FANCA: variants seen among roughly 807,000 people sequenced by gnomAD.
The protein encoded by FANCA is Fanconi anemia group A protein.
FANCA carries 236 observed loss-of-function variants against 194.3 expected under a neutral mutation model. That is an observed-to-expected ratio of 1.21 (90% CI 1.09 to 1.35). The LOEUF (loss-of-function observed/expected upper bound fraction) is 1.35. Ranked by LOEUF, FANCA falls within the 40% of genes most tolerant of loss-of-function variation. The probability of loss-of-function intolerance (pLI) is 0.00; values close to 1 mark genes in which losing one functional copy is unlikely to be tolerated. For synonymous variants in FANCA, 1,014 were observed against 715.8 expected (o/e 1.42, Z -6.65); for missense variants, 2,628 against 1,813.9 (o/e 1.45, Z -8.15).
chr16:89,759,318 T>TATAAAAAAAA (rs2038866186), intron 29 of FANCA, among the ~76,000 whole-genome samples: 1 of 75,180 alleles, frequency 1.3e-5, no homozygotes, highest in African/African-American at 5.1e-5. Flanking sequence ...AGACTCCGTC[T>TATAAAAAAAA]AAAAAAAAAA....
intron 14 of FANCA, chr16:89,790,942 G>C: frequency 4.8e-6 from 1 of 206,704 alleles, no homozygotes; most frequent in Non-Finnish European, 9.9e-6. Context: ...TAATCCTTGC[G>C]TCTCAGCCTC....
intron 7 of FANCA, among the ~76,000 whole-genome samples, chr16:89,805,032 G>GC (rs1261767453): frequency 6.6e-6 from 1 of 152,096 alleles, no homozygotes; most frequent in Admixed American, 6.6e-5. Context: ...GGAAGCAGCT[G>GC]CGGTCACTCT....
chr16:89,763,664 C>A (rs149859047), intron 28 of FANCA, among the ~76,000 whole-genome samples: 2,621 of 152,196 alleles, frequency 0.017, 93 homozygotes, highest in African/African-American at 0.06. Flanking sequence ...AGGGGCCGAG[C>A]GCAGTGGCTC....
chr16:89,789,312 G>GGC (rs1299525618), intron 14 of FANCA, among the ~76,000 whole-genome samples: 2 of 151,678 alleles, frequency 1.3e-5, no homozygotes, highest in Admixed American at 6.6e-5. Flanking sequence ...GGCCTGGGGG[G>GGC]GGAGCAGGCA....
At chr16:89,742,284 C>G (rs1420674482) in intron 37 of FANCA, among the ~76,000 whole-genome samples, 1 of 151,852 alleles carries the variant, frequency 6.6e-6, no homozygotes, top group Non-Finnish European at 1.5e-5. Flanking sequence ...GACTACAGAC[C>G]CCCATCTCAG....
chr16:89,791,720 G>T, intron 13 of FANCA, 184 bp from the exon 14 acceptor site: 1 of 974,830 alleles, frequency 1.0e-6, no homozygotes, highest in Non-Finnish European at 1.6e-6. Context: ...GAATGAAGCA[G>T]CAGTGGACAC....
chr16:89,771,695 CCA>C lies in FANCA; in HGVS notation c.2132_2133del (p.Leu711ArgfsTer82). 6.2e-7 allele frequency: 1 copy of C among 1,614,160 alleles called. No individual in the cohort carries two copies. Among genetic ancestry groups the C allele is most frequent in the Non-Finnish European group, 8.5e-7 (1 of 1,180,026 alleles). ...ACACCTACCATGTGTTCCCGTGGCT[CCA>C]GTCTCGGCGTGTTGATGCTGAGCTG... The part of the protein sequence containing the change: ...KIQLSINTPR[L>X]EPREHMAVDL... On this transcript the variant is annotated frameshift_variant, in exon 23 of 43. Coordinates refer to ENST00000389301, the MANE Select transcript of FANCA (RefSeq NM_000135.4). LOFTEE classifies it high-confidence loss of function.
chr16:89,764,927 C>G lies in FANCA; in HGVS notation c.2741G>C (p.Arg914Thr), dbSNP rs748454613. 40 of 1,614,070 alleles carry G rather than the reference C, an allele frequency of 2.5e-5. No homozygotes were observed. The highest frequency in any genetic ancestry group is 8.8e-5 in the South Asian group (8 of 91,062). Reference protein sequence around the residue: ...QRAALSLWTHRTFREVLKEED... With the variant: ...QRAALSLWTHTTFREVLKEED... ...CTCTTTCAACACCTCTCGGAAGGTT[C>G]TGTGTGTCCAGAGAGAGAGGGCAGC... Residue 914 changes from arginine (R) to threonine (T), a missense_variant, in exon 28 of 43, where the codon AGA becomes ACA. Transcript: ENST00000389301.
At chr16:89,740,590 C>G in intron 38 of FANCA, 1 of 577,040 alleles carries the variant, frequency 1.7e-6, no homozygotes, top group East Asian at 3.0e-5. Context: ...GAGCTGAGAT[C>G]ACACCACTGC....
chr16:89,790,739 CAA>C (rs760772909), intron 14 of FANCA, among the ~76,000 whole-genome samples: 9 of 134,900 alleles, frequency 6.7e-5, no homozygotes, highest in Admixed American at 7.5e-5. Flanking sequence ...GACTCCATCT[CAA>C]AAAAAAAAAA....
Position 89,771,784 on chromosome 16 carries a change from T to G in FANCA, c.2045A>C (p.Glu682Ala), listed in dbSNP as rs1243107998. Reference protein sequence around the residue: ...VISAQVAVISERLRAVLGHNE... With the variant: ...VISAQVAVISARLRAVLGHNE... ...GTGGCCCAGGACAGCCCTCAGTCTTTCAGAAATCACTGCCACCTGTGCCGA... is the reference window on the plus strand; with the variant it reads ...GTGGCCCAGGACAGCCCTCAGTCTTGCAGAAATCACTGCCACCTGTGCCGA... The change falls in exon 23 of 43, where the codon GAA (glutamate) becomes GCA (alanine). Residue 682 changes from glutamate to alanine, a missense_variant. Transcript: ENST00000389301. 1 of 1,613,988 alleles carries G rather than the reference T, an allele frequency of 6.2e-7. No individual in the cohort carries two copies. Among genetic ancestry groups the G allele is most frequent in the South Asian group, 1.1e-5 (1 of 91,064 alleles).
rs142217479 is a variant in FANCA, at chr16:89,773,381, G to T, written c.1904C>A (p.Ala635Glu). Reference protein sequence around the residue: ...CSAAEEKPEDAALGVRAEPNS... With the variant: ...CSAAEEKPEDEALGVRAEPNS... The stretch of plus-strand genomic sequence containing the variant: ...GGGTTCTGCCCTCACTCCCAGGGCT[G>T]CATCTGTGAGAAGAAGGAAGAAACC... The change falls in exon 22 of 43, where the codon GCA becomes GAA. Residue 635 changes from alanine (A) to glutamate (E), a missense_variant. Ala to Glu is a moderately radical substitution (Grantham distance 107). Transcript: ENST00000389301. The T allele has an allele frequency of 2.6e-6, 4 of 1,548,876 alleles. No individual in the cohort carries two copies. In the South Asian group the frequency reaches 4.8e-5, roughly 18 times the overall value.
chr16:89,814,942 A>G (rs992998943), intron 2 of FANCA, among the ~76,000 whole-genome samples: 4 of 152,184 alleles, frequency 2.6e-5, no homozygotes, highest in African/African-American at 4.8e-5. Context: ...CTTTGTCTCA[A>G]AAAAAATAAA....
intron 14 of FANCA, among the ~76,000 whole-genome samples, chr16:89,790,065 C>A (rs756550039): frequency 2.0e-5 from 3 of 152,148 alleles, no homozygotes. Flanking sequence ...ATATGTGATA[C>A]GGCTGAAGAA....
intron 14 of FANCA, among the ~76,000 whole-genome samples, chr16:89,790,593 G>A (rs368728914): frequency 2.0e-5 from 3 of 151,948 alleles, no homozygotes; most frequent in Admixed American, 6.6e-5. Flanking sequence ...ACTGGGTATG[G>A]TAGTGCACAC....
intron 15 of FANCA, among the ~76,000 whole-genome samples, chr16:89,784,024 G>A (rs2039812044): frequency 6.6e-6 from 1 of 152,028 alleles, no homozygotes; most frequent in African/African-American, 2.4e-5. Context: ...GCCTCCAAAA[G>A]TGCTGGGTTA....
intron 37 of FANCA, among the ~76,000 whole-genome samples, chr16:89,741,307 C>T (rs930623243): frequency 8.5e-5 from 13 of 152,346 alleles, no homozygotes; most frequent in Middle Eastern, 3.4e-3. Context: ...TCCTAAGGCC[C>T]TGGAGCCACT....
At chr16:89,748,831 T>A in intron 32 of FANCA, 64 bp from the exon 33 acceptor site, 1 of 1,350,446 alleles carries the variant, frequency 7.4e-7, no homozygotes. Context: ...TCCCAAGGGC[T>A]CAGACTCTCA....
At position 89,762,170 on chromosome 16, in the gene FANCA, A is replaced by G. The variant is rs2038974357; in HGVS notation, c.2779-148T>C. 4.2e-6 allele frequency: 3 copies of G among 717,142 alleles called. No individual in the cohort carries two copies. In the Admixed American group the frequency reaches 6.0e-5, roughly 14 times the overall value. The allele number at this position is 717,142 out of a possible 1,614,324, so 44.4% of individuals were successfully genotyped here. A position where few individuals can be genotyped will look rare whatever the true frequency, so the allele number is the denominator to read the frequency against. ...AATTGCAGCTGAGAGTTCCACAGGA[A>G]AGAAACCTTAGTTTTATCAAGAATG... On this transcript the variant is annotated intron_variant, in intron 28 of 42. Coordinates refer to ENST00000389301, the MANE Select transcript of FANCA (RefSeq NM_000135.4).
Sources: gnomAD v4.1 joint callset for allele counts (sites outside exome capture counted in the v4.1 genomes callset) on GRCh38, gnomAD v4.1.1 for gene constraint, MANE v1.5 for transcripts, NCBI Gene and HGNC (gene_info 2026-07-23, HGNC 2026-07-21) for gene names.